OTOGL: variants seen among roughly 807,000 people sequenced by gnomAD.
OTOGL encodes the protein otogelin-like protein.
A neutral mutation model predicts 318.5 loss-of-function variants in OTOGL; 285 were observed. That is an observed-to-expected ratio of 0.89 (90% CI 0.81 to 0.99). The LOEUF is 0.99. Ranked by LOEUF, OTOGL falls within the 50% of genes least tolerant of loss-of-function variation. OTOGL has a pLI of 0.00. For missense variants in OTOGL, 2,899 were observed against 2,845.6 expected (o/e 1.02, Z -0.43); for synonymous variants, 987 against 936.5 (o/e 1.05, Z -0.99).
At chr12:80,324,382 T>A (rs1887547222) in intron 35 of OTOGL, among the ~76,000 whole-genome samples, 1 of 152,144 alleles carries the variant, frequency 6.6e-6, no homozygotes, top group Admixed American at 6.5e-5. Flanking sequence ...GTGTTTGGTG[T>A]GTTCGAGGAT....
chr12:80,372,527 G>A (rs533591045), intron 57 of OTOGL, among the ~76,000 whole-genome samples: 2 of 152,102 alleles, frequency 1.3e-5, no homozygotes, highest in East Asian at 1.9e-4. Context: ...TTTCAAACCT[G>A]TTTGAGTAAG....
At chr12:80,220,009 T>C in intron 6 of OTOGL, 97 bp downstream of exon 6, 1 of 882,340 alleles carries the variant, frequency 1.1e-6, no homozygotes, top group Non-Finnish European at 1.7e-6. Flanking sequence ...GGGAGTTGTA[T>C]ATTAACTAGA....
intron 7 of OTOGL, among the ~76,000 whole-genome samples, chr12:80,226,177 AAC>A (rs35975748): frequency 0.21 from 27,613 of 132,646 alleles, 2,677 homozygotes; most frequent in Admixed American, 0.27. Flanking sequence ...TCCTGCTCCT[AAC>A]ACACACACAC....
chr12:80,326,850 T>C (rs1014362777), intron 35 of OTOGL, among the ~76,000 whole-genome samples: 1 of 152,218 alleles, frequency 6.6e-6, no homozygotes, highest in South Asian at 2.1e-4. Context: ...TAAAAAGTGT[T>C]GCCTGGATTT....
At chr12:80,343,894 G>T (rs1371224390) in intron 44 of OTOGL, 1 of 152,118 alleles carries the variant, frequency 6.6e-6, no homozygotes, top group Non-Finnish European at 1.5e-5. Flanking sequence ...GAGAAAGTTT[G>T]GTTTAAAGGC....
At chr12:80,225,711 T>C (rs1878775543) in intron 7 of OTOGL, among the ~76,000 whole-genome samples, 1 of 152,110 alleles carries the variant, frequency 6.6e-6, no homozygotes, top group South Asian at 2.1e-4. Flanking sequence ...ATGTTAAATA[T>C]TCTTGATACA....
At chr12:80,302,974 T>C (rs566881528) in intron 28 of OTOGL, among the ~76,000 whole-genome samples, 191 bp downstream of exon 28, 65 of 152,206 alleles carry the variant, frequency 4.3e-4, no homozygotes, top group Non-Finnish European at 9.0e-4. Flanking sequence ...TCTTTTTGAC[T>C]TTAACCTTGC....
rs753599326 is a variant in OTOGL, at chr12:80,370,616, A to C, written c.6662A>C (p.Lys2221Thr). The C allele has an allele frequency of 6.3e-7, 1 of 1,588,992 alleles. No individual in the cohort carries two copies. The highest frequency in any genetic ancestry group is 1.7e-5 in the Admixed American group (1 of 57,986). ...AATTGCACCACATATGAATGTGTTA[A>C]AACTGATGAAGGAGCAATAATTCTG... is the stretch of plus-strand genomic sequence containing the variant. The part of the protein sequence containing the change: ...HYNCTTYECV[K>T]TDEGAIILNY... The change falls in exon 56 of 59, where the codon AAA (lysine) becomes ACA (threonine). Residue 2221 changes from lysine (K) to threonine (T), a missense_variant. Coordinates refer to ENST00000547103, the MANE Select transcript of OTOGL (RefSeq NM_001378609.3).
chr12:80,355,225 TTTTC>T (rs200713593), intron 46 of OTOGL, among the ~76,000 whole-genome samples: 7,657 of 35,808 alleles, frequency 0.21, 445 homozygotes, highest in East Asian at 0.26. Flanking sequence ...TCTTTCTTTC[TTTTC>T]TTTTTTTTTT....
intron 9 of OTOGL, among the ~76,000 whole-genome samples, chr12:80,238,577 TACTC>T (rs934907433): frequency 6.6e-6 from 1 of 152,246 alleles, no homozygotes; most frequent in African/African-American, 2.4e-5. Flanking sequence ...GTGTACGTTG[TACTC>T]ACTCACCTTC....
rs145721901 is a variant in OTOGL, at chr12:80,134,193, C to A, written c.-20+34588C>A. On this transcript the variant is annotated intron_variant, in intron 1 of 58. Transcript: ENST00000547103. ...TTTCCTCTCTCCCCATTTTATGCAC[C>A]ACACCAGATTCATCTTCCTGTTCTA... 1.7e-3 allele frequency among the ~76,000 whole-genome samples: 261 copies of A among 152,246 alleles called. 2 individuals carry two copies. The highest frequency in any genetic ancestry group is 6.0e-3 in the African/African-American group (251 of 41,548).
chr12:80,258,075 T>C lies in OTOGL; in HGVS notation c.1889+73T>C, dbSNP rs1358365619. 2.3e-6 allele frequency: 3 copies of C among 1,281,382 alleles called. No homozygotes were observed. The East Asian group carries it at 7.8e-5, about 33-fold the overall frequency. 79.4% of individuals were successfully genotyped at this position (1,281,382 alleles called of 1,614,324 possible). A position where few individuals can be genotyped will look rare whatever the true frequency, so the allele number is the denominator to read the frequency against. On this transcript the variant is annotated intron_variant, in intron 18 of 58. Transcript: ENST00000547103. ...AAAGGATATAAATTCATTAAAAATG[T>C]TTACTTAACTAATAATTGCTTAGCT...
chr12:80,130,511 G>A (rs1293289213), intron 1 of OTOGL, among the ~76,000 whole-genome samples: 1 of 152,228 alleles, frequency 6.6e-6, no homozygotes, highest in Non-Finnish European at 1.5e-5. Context: ...TGTGAGAACA[G>A]ACAAGGGAAG....
rs898354529 is a variant in OTOGL at position 80,148,630 on chromosome 12, A to G, written c.-20+49025A>G. On this transcript the variant is annotated intron_variant, in intron 1 of 58. Coordinates refer to ENST00000547103, the MANE Select transcript of OTOGL (RefSeq NM_001378609.3). ...TGCTAGATTGGGGAAATTCTCCTGC[A>G]TAATATCCTGCAGAGTGTTTTTCAA... is the stretch of plus-strand genomic sequence containing the variant. Among the ~76,000 whole-genome samples, 4 of 152,158 alleles carry G rather than the reference A, an allele frequency of 2.6e-5. No individual in the cohort carries two copies. The East Asian group carries it at 7.7e-4, about 29-fold the overall frequency.
In OTOGL at chr12:80,320,408, T is replaced by C. The variant is rs369937891; in HGVS notation, c.3803-14T>C. The C allele has an allele frequency of 8.1e-6, 13 of 1,602,488 alleles. No homozygotes were observed. The highest frequency in any genetic ancestry group is 1.7e-4 in the Middle Eastern group (1 of 6,010). On this transcript the variant is annotated splice_polypyrimidine_tract_variant and intron_variant, in intron 33 of 58. Coordinates refer to ENST00000547103, the MANE Select transcript of OTOGL (RefSeq NM_001378609.3). The stretch of plus-strand genomic sequence containing the variant: ...TCCTTCTCCTGAGAATCCACACTGC[T>C]CTATATTTTACAGCATTAGCACTTG...
intron 24 of OTOGL, among the ~76,000 whole-genome samples, chr12:80,274,542 T>C (rs1370831575): frequency 6.6e-6 from 1 of 152,008 alleles, no homozygotes; most frequent in African/African-American, 2.4e-5. Context: ...CAAGTGCTGA[T>C]GGAGAAGCTG....
chr12:80,249,820 C>A (rs1011619722), intron 11 of OTOGL, among the ~76,000 whole-genome samples: 17 of 152,038 alleles, frequency 1.1e-4, no homozygotes, highest in East Asian at 3.9e-4. Flanking sequence ...CAGTGAGACT[C>A]CGTGGGCGTA....
intron 29 of OTOGL, among the ~76,000 whole-genome samples, 163 bp downstream of exon 29, chr12:80,305,858 AT>A (rs1360955374): frequency 3.0e-4 from 45 of 152,144 alleles, no homozygotes; most frequent in African/African-American, 9.9e-4. Context: ...AATTTTTCTG[AT>A]TACCTTATCA....
chr12:80,179,401 G>A (rs984741416), intron 1 of OTOGL, among the ~76,000 whole-genome samples: 3 of 152,100 alleles, frequency 2.0e-5, no homozygotes, highest in Non-Finnish European at 4.4e-5. Flanking sequence ...AAGGCCTGTA[G>A]CCTGAGGGCA....
Sources: gnomAD v4.1 joint callset for allele counts (sites outside exome capture counted in the v4.1 genomes callset) on GRCh38, gnomAD v4.1.1 for gene constraint, MANE v1.5 for transcripts, NCBI Gene and HGNC (gene_info 2026-07-23, HGNC 2026-07-21) for gene names.